Variants in NDST4 observed in about 807,000 individuals in gnomAD.
NDST4 encodes the protein N-heparan sulfate sulfotransferase 4.
In NDST4, 63 loss-of-function variants were observed where a neutral mutation model predicts 100.8. That is an observed-to-expected ratio of 0.62 (90% CI 0.51 to 0.77). The LOEUF (loss-of-function observed/expected upper bound fraction) is 0.77. Ranked by LOEUF, NDST4 falls within the 30% of genes least tolerant of loss-of-function variation. The pLI, the probability that NDST4 is intolerant of heterozygous loss-of-function variation, is 0.00. For missense variants in NDST4, 943 were observed against 1,018.4 expected (o/e 0.93, Z 1.01); for synonymous variants, 377 against 361.8 (o/e 1.04, Z -0.48).
At position 115,102,704 on chromosome 4, in the gene NDST4, C is replaced by CTTTT. The variant is rs751431042; in HGVS notation, c.-247+10736_-247+10739dup. Among the ~76,000 whole-genome samples, 486 of 90,558 alleles carry CTTTT rather than the reference C, an allele frequency of 5.4e-3. 49 individuals are homozygous for CTTTT. The highest frequency in any genetic ancestry group is 0.022 in the Middle Eastern group (2 of 90). The allele number at this position is 90,558 out of a possible 152,430, so 59.4% of individuals were successfully genotyped here. A position where few individuals can be genotyped will look rare whatever the true frequency, so the allele number is the denominator to read the frequency against. ...TTATATACCATATACTTCTGACTTC[C>CTTTT]TTTTTTTTTTTTTTTTTTTTTGACA... On this transcript the variant is annotated intron_variant, in intron 1 of 13. Transcript: ENST00000264363.
intron 6 of NDST4, among the ~76,000 whole-genome samples, chr4:114,902,177 T>G (rs7689254): frequency 0.062 from 9,467 of 152,108 alleles, 814 homozygotes; most frequent in African/African-American, 0.19. Context: ...TTTCTCAAAT[T>G]ATGTTCATTT....
intron 6 of NDST4, among the ~76,000 whole-genome samples, chr4:114,921,048 T>G (rs897705149): frequency 6.6e-6 from 1 of 152,208 alleles, no homozygotes; most frequent in Non-Finnish European, 1.5e-5. Flanking sequence ...GAGCTAAACT[T>G]CTGCCACAGT....
chr4:115,110,604 T>C (rs1013260883), intron 1 of NDST4, among the ~76,000 whole-genome samples: 2 of 151,966 alleles, frequency 1.3e-5, no homozygotes, highest in African/African-American at 2.4e-5. Flanking sequence ...TGTATCCATA[T>C]GTGTCATTTC....
chr4:115,003,470 C>A (rs1208471165), intron 2 of NDST4, among the ~76,000 whole-genome samples: 1 of 152,052 alleles, frequency 6.6e-6, no homozygotes, highest in Non-Finnish European at 1.5e-5. Context: ...TTTTATGTCG[C>A]CTTTACCTAA....
chr4:115,024,201 G>A (rs189993216), intron 2 of NDST4, among the ~76,000 whole-genome samples: 5 of 152,242 alleles, frequency 3.3e-5, no homozygotes, highest in Admixed American at 2.0e-4. Context: ...CCACTCTAGA[G>A]AATCCTCACT....
intron 1 of NDST4, among the ~76,000 whole-genome samples, chr4:115,111,227 C>T (rs954631590): frequency 1.3e-5 from 2 of 151,812 alleles, no homozygotes; most frequent in African/African-American, 2.4e-5. Context: ...TTATTTAGTA[C>T]GTTTAAGAAC....
chr4:114,876,834 T>C (rs1379008401), intron 6 of NDST4, among the ~76,000 whole-genome samples: 1 of 152,208 alleles, frequency 6.6e-6, no homozygotes, highest in Non-Finnish European at 1.5e-5. Flanking sequence ...ATGTTAATGT[T>C]AATTTACTTA....
intron 11 of NDST4, among the ~76,000 whole-genome samples, chr4:114,837,470 A>G (rs756553851): frequency 1.3e-5 from 2 of 152,198 alleles, no homozygotes; most frequent in Non-Finnish European, 2.9e-5. Context: ...TACTGGCACC[A>G]AAACAGATAT....
intron 6 of NDST4, among the ~76,000 whole-genome samples, chr4:114,908,451 C>T (rs1305066021): frequency 6.6e-6 from 1 of 152,056 alleles, no homozygotes; most frequent in Non-Finnish European, 1.5e-5. Flanking sequence ...TGGTGAGTTT[C>T]TCTCTTCTCC....
intron 1 of NDST4, among the ~76,000 whole-genome samples, chr4:115,108,878 T>A (rs1729884394): frequency 6.6e-6 from 1 of 151,724 alleles, no homozygotes; most frequent in East Asian, 1.9e-4. Context: ...ATACTAAAGA[T>A]GAGTGATTTG....
intron 6 of NDST4, among the ~76,000 whole-genome samples, chr4:114,899,489 A>G (rs1394987641): frequency 6.6e-6 from 1 of 152,052 alleles, no homozygotes; most frequent in African/African-American, 2.4e-5. Context: ...GATTTTTTAT[A>G]TTAAGTTGAG....
At chr4:114,865,008 C>T (rs576460409) in intron 7 of NDST4, among the ~76,000 whole-genome samples, 1 of 152,194 alleles carries the variant, frequency 6.6e-6, no homozygotes, top group South Asian at 2.1e-4. Flanking sequence ...GAGGTAGTCT[C>T]ATAGTAAAAC....
chr4:115,006,485 T>C (rs1420435447), intron 2 of NDST4, among the ~76,000 whole-genome samples: 4 of 152,156 alleles, frequency 2.6e-5, no homozygotes, highest in Admixed American at 1.3e-4. Flanking sequence ...CATAGTTTAA[T>C]AGACAGGTAT....
chr4:114,847,060 T>C (rs1189741244), intron 9 of NDST4, among the ~76,000 whole-genome samples: 1 of 152,110 alleles, frequency 6.6e-6, no homozygotes, highest in Non-Finnish European at 1.5e-5. Context: ...TGCCCAACCC[T>C]GATCCTAGCT....
chr4:114,853,473 C>A (rs1486257243), intron 7 of NDST4, among the ~76,000 whole-genome samples: 1 of 152,194 alleles, frequency 6.6e-6, no homozygotes, highest in Non-Finnish European at 1.5e-5. Context: ...CTAACCTACA[C>A]TTCCAGTGCC....
At chr4:115,084,676 C>T (rs1460082871) in intron 1 of NDST4, among the ~76,000 whole-genome samples, 1 of 152,208 alleles carries the variant, frequency 6.6e-6, no homozygotes, top group Non-Finnish European at 1.5e-5. Flanking sequence ...AGGGTGCAAG[C>T]CCCAAGCCTT....
intron 6 of NDST4, among the ~76,000 whole-genome samples, chr4:114,891,756 A>G (rs189646180): frequency 7.5e-4 from 114 of 152,218 alleles, no homozygotes; most frequent in African/African-American, 2.7e-3. Context: ...CACTGCTTTC[A>G]GTACTTTCTC....
chr4:114,890,847 A>G (rs1724578053), intron 6 of NDST4, among the ~76,000 whole-genome samples: 1 of 152,052 alleles, frequency 6.6e-6, no homozygotes, highest in African/African-American at 2.4e-5. Context: ...CTACAATCAT[A>G]TAGTCTCTTT....
At chr4:115,029,874 T>A (rs7437758) in intron 2 of NDST4, among the ~76,000 whole-genome samples, 131,692 of 152,068 alleles carry the variant, frequency 0.87, 57,403 homozygotes, top group African/African-American at 0.9. Flanking sequence ...AAAGGTTGAC[T>A]GTGTATGCAA....
Sources: gnomAD v4.1 joint callset for allele counts (sites outside exome capture counted in the v4.1 genomes callset) on GRCh38, gnomAD v4.1.1 for gene constraint, MANE v1.5 for transcripts, NCBI Gene and HGNC (gene_info 2026-07-23, HGNC 2026-07-21) for gene names.